The following RIMS2 variants were observed in gnomAD, a reference collection of about 807,000 sequenced individuals.
The protein encoded by RIMS2 is regulating synaptic membrane exocytosis 2, also known as regulating synaptic membrane exocytosis protein 2.
A neutral mutation model predicts 174.4 loss-of-function variants in RIMS2; 59 were observed. The observed-to-expected ratio is 0.34, with a 90% CI of 0.27 to 0.42. RIMS2 has a LOEUF of 0.42. RIMS2 is among the 10% of genes least tolerant of loss of function. The pLI is 1.00. For missense variants in RIMS2, 1,620 were observed against 1,666.3 expected (o/e 0.97, Z 0.48); for synonymous variants, 606 against 572.5 (o/e 1.06, Z -0.84).
At chr8:104,222,729 T>C (rs775278943) in intron 19 of RIMS2, among the ~76,000 whole-genome samples, 1 of 152,256 alleles carries the variant, frequency 6.6e-6, no homozygotes, top group African/African-American at 2.4e-5. Context: ...CAGGATGTTA[T>C]ACCTTTTGCT....
chr8:103,692,883 T>C (rs2097049268), intron 1 of RIMS2, among the ~76,000 whole-genome samples: 1 of 152,182 alleles, frequency 6.6e-6, no homozygotes, highest in South Asian at 2.1e-4. Context: ...CCTCAGCTGG[T>C]TTCTCACTGG....
intron 19 of RIMS2, among the ~76,000 whole-genome samples, chr8:104,126,874 A>G (rs2098436278): frequency 1.3e-5 from 2 of 152,258 alleles, no homozygotes; most frequent in South Asian, 4.1e-4. Flanking sequence ...TTTTCAAGAT[A>G]GAAAAAATCC....
At chr8:104,009,635 A>G (rs2095694584) in intron 17 of RIMS2, among the ~76,000 whole-genome samples, 1 of 152,132 alleles carries the variant, frequency 6.6e-6, no homozygotes, top group Non-Finnish European at 1.5e-5. Context: ...GTATGGATAT[A>G]GAGAAGTCAT....
At chr8:103,698,493 A>G (rs1455930354) in intron 2 of RIMS2, among the ~76,000 whole-genome samples, 2 of 152,162 alleles carry the variant, frequency 1.3e-5, no homozygotes, top group Non-Finnish European at 2.9e-5. Context: ...CTATCTGTTG[A>G]GATTAATCAT....
intron 19 of RIMS2, among the ~76,000 whole-genome samples, chr8:104,036,715 A>G (rs894506426): frequency 4.6e-5 from 7 of 151,720 alleles, no homozygotes; most frequent in Non-Finnish European, 8.8e-5. Context: ...TGTCTCTACT[A>G]AAAATACAAA....
chr8:103,781,339 AT>A (rs2098386235), intron 3 of RIMS2, among the ~76,000 whole-genome samples: 1 of 152,052 alleles, frequency 6.6e-6, no homozygotes, highest in African/African-American at 2.4e-5. Context: ...ATTCTGGGAT[AT>A]TGCTGATGAT....
At chr8:103,845,940 T>A (rs116405368) in intron 3 of RIMS2, among the ~76,000 whole-genome samples, 1 of 152,176 alleles carries the variant, frequency 6.6e-6, no homozygotes, top group African/African-American at 2.4e-5. Flanking sequence ...TCTCTATTCT[T>A]GAAGAACGTA....
chr8:103,756,405 C>G (rs1447551249), intron 2 of RIMS2, among the ~76,000 whole-genome samples: 1 of 128,810 alleles, frequency 7.8e-6, no homozygotes, highest in East Asian at 2.1e-4. Context: ...TTTTTTTTTG[C>G]AGGACTCTTG....
At chr8:103,582,727 A>G (rs1020146751) in intron 1 of RIMS2, among the ~76,000 whole-genome samples, 1 of 152,120 alleles carries the variant, frequency 6.6e-6, no homozygotes, top group African/African-American at 2.4e-5. Flanking sequence ...GGAAGAGTGG[A>G]AAGGATTGTG....
chr8:103,621,506 G>T (rs2134664343), intron 1 of RIMS2, among the ~76,000 whole-genome samples: 1 of 152,356 alleles, frequency 6.6e-6, no homozygotes, highest in East Asian at 1.9e-4. Flanking sequence ...GCTTGGACCA[G>T]TATAAGCATG....
At chr8:103,620,895 A>T (rs895586658) in intron 1 of RIMS2, among the ~76,000 whole-genome samples, 2 of 152,208 alleles carry the variant, frequency 1.3e-5, no homozygotes, top group Non-Finnish European at 2.9e-5. Flanking sequence ...TATTATCCTA[A>T]GGGAGAAGAA....
At chr8:103,633,541 T>C (rs2095998678) in intron 1 of RIMS2, among the ~76,000 whole-genome samples, 1 of 152,204 alleles carries the variant, frequency 6.6e-6, no homozygotes, top group African/African-American at 2.4e-5. Context: ...AAGATGATGC[T>C]GGCCTCACAA....
intron 1 of RIMS2, among the ~76,000 whole-genome samples, chr8:103,643,466 T>C (rs2135585902): frequency 6.6e-6 from 1 of 152,264 alleles, no homozygotes; most frequent in Admixed American, 6.5e-5. Context: ...TAATTTGTTA[T>C]TGAAAGCTGG....
At chr8:103,911,185 T>C (rs2075605741) in intron 5 of RIMS2, among the ~76,000 whole-genome samples, 1 of 152,172 alleles carries the variant, frequency 6.6e-6, no homozygotes, top group Non-Finnish European at 1.5e-5. Flanking sequence ...TGCATGAAGA[T>C]ATGCCTGTTA....
intron 1 of RIMS2, among the ~76,000 whole-genome samples, chr8:103,613,434 A>T (rs887228005): frequency 6.6e-6 from 1 of 151,976 alleles, no homozygotes; most frequent in African/African-American, 2.4e-5. Context: ...CATGTGTGAG[A>T]CTCACCCTTC....
chr8:103,888,296 T>C (rs1565137629), intron 4 of RIMS2, among the ~76,000 whole-genome samples: 1 of 151,514 alleles, frequency 6.6e-6, no homozygotes. Flanking sequence ...TGCATTCAAA[T>C]GATAAATACT....
At chr8:103,696,862 C>CAAAAAAAAAAAAAAAAAAA (rs55852238) in intron 1 of RIMS2, among the ~76,000 whole-genome samples, 1 of 53,742 alleles carries the variant, frequency 1.9e-5, no homozygotes, top group Non-Finnish European at 3.5e-5. Context: ...GACTTCGTCT[C>CAAAAAAAAAAAAAAAAAAA]AAAAAAAAAA....
Position 104,206,951 on chromosome 8 carries a change from T to C in RIMS2, c.3335-37965T>C, listed in dbSNP as rs1304308866. On this transcript the variant is annotated intron_variant, in intron 19 of 23. Transcript: ENST00000504942. ...CTATTGAAGCTGGAAGGGAGCTCAG[T>C]GATCTTTATAGACAGGACAGAGAAG... Among the ~76,000 whole-genome samples the C allele has an allele frequency of 2.0e-5, 3 of 152,224 alleles. No homozygotes were observed. In the East Asian group the frequency reaches 5.8e-4, roughly 29 times the overall value.
intron 3 of RIMS2, among the ~76,000 whole-genome samples, chr8:103,815,890 G>C (rs1338604433): frequency 6.6e-6 from 1 of 152,224 alleles, no homozygotes; most frequent in East Asian, 1.9e-4. Context: ...TTCCCTATGA[G>C]GTGATATAGC....
Sources: allele counts gnomAD v4.1 joint callset (sites outside exome capture counted in the v4.1 genomes callset), GRCh38; gene constraint gnomAD v4.1.1; transcripts MANE v1.5; gene names NCBI Gene and HGNC (gene_info 2026-07-23, HGNC 2026-07-21).